EIF3H: variants seen among roughly 807,000 people sequenced by gnomAD.
EIF3H encodes eIF-3-gamma.
Under a neutral mutation model 44.2 loss-of-function variants are expected in EIF3H, and 26 were observed. The observed-to-expected ratio is 0.59, with a 90% confidence interval of 0.43 to 0.82. The LOEUF is 0.82. Ranked by LOEUF, EIF3H falls within the 40% of genes least tolerant of loss-of-function variation. The pLI, the probability that EIF3H is intolerant of heterozygous loss-of-function variation, is 0.00. For synonymous variants in EIF3H, 166 were observed against 151.9 expected (o/e 1.09, Z -0.68); for missense variants, 359 against 432.8 (o/e 0.83, Z 1.51).
chr8:116,689,116 G>GATGT, intron 2 of EIF3H: 1 of 449,406 alleles, frequency 2.2e-6, no homozygotes, highest in Non-Finnish European at 4.5e-6. Context: ...ACGAAGTTCT[G>GATGT]ATGTATGCTG....
In EIF3H at chr8:116,642,895, A is replaced by AT. The variant is rs1813242560; in HGVS notation, c.*2110dup. 1.3e-5 allele frequency: 2 copies of AT among 152,226 alleles called. No homozygotes were observed. The highest frequency in any genetic ancestry group is 4.8e-5 in the African/African-American group (2 of 41,450). 9.4% of individuals were successfully genotyped at this position (152,226 alleles called of 1,614,324 possible). The stretch of plus-strand genomic sequence containing the variant: ...AAATCAAAAATTACTGAAATCTTTC[A>AT]TTAAGTGTGTATTCATGTTACCAAG... On this transcript the variant is annotated 3_prime_UTR_variant, in exon 8 of 8. Coordinates refer to ENST00000521861, the MANE Select transcript of EIF3H (RefSeq NM_003756.3).
intron 2 of EIF3H, among the ~76,000 whole-genome samples, chr8:116,709,567 G>C (rs368772230): frequency 1.9e-4 from 29 of 152,302 alleles, no homozygotes; most frequent in African/African-American, 9.6e-5. Flanking sequence ...AAGGTATACA[G>C]GTTAGATTCT....
intron 1 of EIF3H, among the ~76,000 whole-genome samples, chr8:116,750,150 T>C (rs1331705513): frequency 6.6e-6 from 1 of 152,286 alleles, no homozygotes; most frequent in East Asian, 1.9e-4. Context: ...GGGCTAGACC[T>C]GGCATGTGGT....
chr8:116,708,421 A>C (rs1370862979), intron 2 of EIF3H, among the ~76,000 whole-genome samples: 1 of 152,090 alleles, frequency 6.6e-6, no homozygotes, highest in Non-Finnish European at 1.5e-5. Context: ...GCAGTCACTT[A>C]AATACATAAC....
At chr8:116,736,630 C>G (rs1463085616) in intron 1 of EIF3H, among the ~76,000 whole-genome samples, 6 of 152,114 alleles carry the variant, frequency 3.9e-5, no homozygotes, top group Non-Finnish European at 8.8e-5. Context: ...CCTTTGCACT[C>G]CAGCCTGGGC....
intron 2 of EIF3H, among the ~76,000 whole-genome samples, chr8:116,678,465 TATG>T (rs1813892527): frequency 6.8e-6 from 1 of 147,584 alleles, no homozygotes; most frequent in Admixed American, 6.7e-5. Context: ...TCGTCTGGGA[TATG>T]AGGAGCCTCT....
chr8:116,673,857 T>C (rs528695954), intron 2 of EIF3H, among the ~76,000 whole-genome samples: 1 of 151,902 alleles, frequency 6.6e-6, no homozygotes, highest in African/African-American at 2.4e-5. Flanking sequence ...GGATCAGAGG[T>C]CAGGAGATGG....
At chr8:116,738,034 C>CAAAAA (rs750259420) in intron 1 of EIF3H, among the ~76,000 whole-genome samples, 9 of 68,502 alleles carry the variant, frequency 1.3e-4, no homozygotes, top group Non-Finnish European at 2.2e-4. Context: ...GGCTCCATCT[C>CAAAAA]AAAAAAAAAA....
intron 1 of EIF3H, among the ~76,000 whole-genome samples, chr8:116,748,839 C>G (rs77448242): frequency 2.6e-5 from 4 of 152,262 alleles, no homozygotes; most frequent in Non-Finnish European, 5.9e-5. Flanking sequence ...TATATATCAT[C>G]CCTAGATTGC....
upstream of EIF3H, among the ~76,000 whole-genome samples, chr8:116,758,378 G>T (rs1352065436): frequency 5.3e-5 from 8 of 152,040 alleles, no homozygotes; most frequent in Non-Finnish European, 1.0e-4. Context: ...TCATAGAGCT[G>T]AAAGGAAAAA....
intron 2 of EIF3H, among the ~76,000 whole-genome samples, chr8:116,724,806 T>C (rs1814807685): frequency 1.3e-5 from 2 of 152,006 alleles, no homozygotes. Flanking sequence ...GACAAGCATA[T>C]TAAGAAATTG....
rs112249169 is a variant in EIF3H, at chr8:116,735,084, T to C, written c.133-8912A>G. 6.4e-4 allele frequency among the ~76,000 whole-genome samples: 97 copies of C among 152,222 alleles called. 1 individual carries two copies. Among genetic ancestry groups the C allele is most frequent in the African/African-American group, 2.1e-3 (87 of 41,520 alleles). On this transcript the variant is annotated intron_variant, in intron 1 of 7. Transcript: ENST00000521861. ...AACACCAGAATTCCTCCAATATAGG[T>C]TGCAACTCCAATAAAGTTCAGAGGT...
chr8:116,712,127 G>A (rs545871247), intron 2 of EIF3H, among the ~76,000 whole-genome samples: 1 of 152,332 alleles, frequency 6.6e-6, no homozygotes, highest in East Asian at 1.9e-4. Flanking sequence ...TGCTGCTGCT[G>A]TCATTGCTGT....
intron 2 of EIF3H, among the ~76,000 whole-genome samples, chr8:116,668,008 T>C (rs929479381): frequency 5.3e-5 from 8 of 152,204 alleles, no homozygotes; most frequent in Admixed American, 3.9e-4. Flanking sequence ...CATAAAGGTA[T>C]AGACTGAGTT....
At chr8:116,753,869 C>T in intron 1 of EIF3H, among the ~76,000 whole-genome samples, 1 of 152,162 alleles carries the variant, frequency 6.6e-6, no homozygotes, top group Non-Finnish European at 1.5e-5. Flanking sequence ...TTTTTCAACT[C>T]TGGAAACTAA....
chr8:116,689,469 G>A (rs916028407), intron 2 of EIF3H, among the ~76,000 whole-genome samples: 6 of 152,050 alleles, frequency 3.9e-5, no homozygotes, highest in African/African-American at 1.4e-4. Context: ...ATACAAGTGA[G>A]GGTAATGTTT....
rs1813505493 is a variant in EIF3H at position 116,657,208 on chromosome 8, CACTT to C, written c.557+3_557+6del. 2 of 1,607,316 alleles carry C rather than the reference CACTT, an allele frequency of 1.2e-6. No homozygotes were observed. The highest frequency in any genetic ancestry group is 1.7e-6 in the Non-Finnish European group (2 of 1,173,980). On this transcript the variant is annotated splice_donor_5th_base_variant and intron_variant, in intron 4 of 7. Coordinates refer to ENST00000521861, the MANE Select transcript of EIF3H (RefSeq NM_003756.3). ...CAACCCTTTACCAGATGCCCCCAAA[CACTT>C]ACGCTTCAGGGGAAAAATCCTTTTC...
At chr8:116,730,174 T>C (rs755104872) in intron 1 of EIF3H, among the ~76,000 whole-genome samples, 5 of 152,192 alleles carry the variant, frequency 3.3e-5, no homozygotes, top group Non-Finnish European at 7.4e-5. Context: ...GTAGGATTCA[T>C]TTGGAGCAGG....
At chr8:116,699,830 G>A (rs1336653937) in intron 2 of EIF3H, among the ~76,000 whole-genome samples, 2 of 151,752 alleles carry the variant, frequency 1.3e-5, no homozygotes, top group Non-Finnish European at 1.5e-5. Flanking sequence ...GTTTGTTTGA[G>A]ATGGAGTTTC....
Sources: gnomAD v4.1 joint callset for allele counts (sites outside exome capture counted in the v4.1 genomes callset) on GRCh38, gnomAD v4.1.1 for gene constraint, MANE v1.5 for transcripts, NCBI Gene and HGNC (gene_info 2026-07-23, HGNC 2026-07-21) for gene names.